Variants in CPT2 observed in about 807,000 individuals in gnomAD.
CPT2 encodes carnitine O-palmitoyltransferase 2, mitochondrial.
A neutral mutation model predicts 48.6 loss-of-function variants in CPT2; 37 were observed. The observed-to-expected ratio is 0.76, with a 90% CI of 0.59 to 1.00. CPT2 has a LOEUF of 1.00. Among genes scored for constraint, CPT2 ranks in the 50% least tolerant of loss-of-function variants. The pLI is 0.00. For missense variants in CPT2, 772 were observed against 825.6 expected, an observed-to-expected ratio of 0.94 and a Z score of 0.80; for synonymous variants, 319 against 326.9, an observed-to-expected ratio of 0.98 and a Z score of 0.26.
chr1:53,213,609 G>A lies in CPT2; in HGVS notation c.*14G>A, dbSNP rs764451386. 1.2e-6 allele frequency: 2 copies of A among 1,607,594 alleles called. No individual in the cohort carries two copies. Among genetic ancestry groups the A allele is most frequent in the Admixed American group, 1.7e-5 (1 of 59,820 alleles). Reference sequence around the variant, plus strand: ...ATCAAAAGTTAACTTCTGGGCAGATGAAAAGCTACCATCACTTCCTCATCA... The same window carrying A: ...ATCAAAAGTTAACTTCTGGGCAGATAAAAAGCTACCATCACTTCCTCATCA... On this transcript the variant is annotated 3_prime_UTR_variant, in exon 5 of 5. Transcript: ENST00000371486.
rs1258567760 is a variant in CPT2 at position 53,210,875 on chromosome 1, A to C, written c.1201A>C (p.Ser401Arg). Reference protein sequence around the residue: ...STQTPAVTPQSQPATTDSTVT... With the variant: ...STQTPAVTPQRQPATTDSTVT... ...TCAGACCCCTGCCGTCACTCCACAG[A>C]GCCAGCCAGCTACCACTGACTCTAC... is the stretch of plus-strand genomic sequence containing the variant. The change falls in exon 4 of 5, where the codon AGC becomes CGC. Residue 401 changes from serine to arginine, a missense_variant. Ser to Arg is a moderately radical substitution (Grantham distance 110). Transcript: ENST00000371486. 1 of 1,614,168 alleles carries C rather than the reference A, an allele frequency of 6.2e-7. No homozygotes were observed. The highest frequency in any genetic ancestry group is 1.1e-5 in the South Asian group (1 of 91,078).
intron 3 of CPT2, among the ~76,000 whole-genome samples, chr1:53,204,998 A>G (rs1645378618): frequency 6.6e-6 from 1 of 152,176 alleles, no homozygotes; most frequent in Non-Finnish European, 1.5e-5. Context: ...AAATGGACTA[A>G]TATAGAAAAC....
chr1:53,202,668 C>T, intron 3 of CPT2: 1 of 547,716 alleles, frequency 1.8e-6, no homozygotes, highest in South Asian at 1.9e-5. Flanking sequence ...GGGATTGAGG[C>T]AGAACCTAAT....
chr1:53,201,236 A>T (rs1033287765), intron 2 of CPT2: 3 of 257,968 alleles, frequency 1.2e-5, no homozygotes, highest in African/African-American at 4.4e-5. Flanking sequence ...ATATGATCTT[A>T]TTTGGAATTA....
In CPT2 at chr1:53,211,374, G is replaced by A. The variant is rs778562013; in HGVS notation, c.1645+55G>A. ...GGTCTTGTCCTCAGTGCTTGGGTAAGCAAGCCTAAATCATTCTACTCCAAA... is the reference window on the plus strand; with the variant it reads ...GGTCTTGTCCTCAGTGCTTGGGTAAACAAGCCTAAATCATTCTACTCCAAA... On this transcript the variant is annotated intron_variant, in intron 4 of 4. Coordinates refer to ENST00000371486, the MANE Select transcript of CPT2 (RefSeq NM_000098.3). 297 of 1,476,136 alleles carry A rather than the reference G, an allele frequency of 2.0e-4. 1 individual carries two copies. The highest frequency in any genetic ancestry group is 2.4e-4 in the Admixed American group (12 of 51,042). The allele number at this position is 1,476,136 out of a possible 1,614,324, so 91.4% of individuals were successfully genotyped here.
In CPT2 at chr1:53,210,865, C is replaced by G; in HGVS notation, c.1191C>G (p.Val397=). Residue 397 remains valine (V), a synonymous_variant, in exon 4 of 5, where the codon GTC becomes GTG. Coordinates refer to ENST00000371486, the MANE Select transcript of CPT2 (RefSeq NM_000098.3). ...AAGACAGCACTCAGACCCCTGCCGT[C>G]ACTCCACAGAGCCAGCCAGCTACCA... ...VFKDSTQTPA[V]TPQSQPATTD... is the part of the protein sequence containing the mutation. 6.2e-7 allele frequency: 1 copy of G among 1,614,178 alleles called. No individual in the cohort carries two copies. Among genetic ancestry groups the G allele is most frequent in the Non-Finnish European group, 8.5e-7 (1 of 1,180,034 alleles).
chr1:53,199,283 TCTC>T (rs1227940689), intron 1 of CPT2, among the ~76,000 whole-genome samples: 1 of 152,044 alleles, frequency 6.6e-6, no homozygotes, highest in Non-Finnish European at 1.5e-5. Context: ...CTGGTCTCAA[TCTC>T]CTGACCTCAA....
chr1:53,213,883 A>G lies in CPT2; in HGVS notation c.*288A>G. Reference sequence around the variant, plus strand: ...GGAGGTTGCAGTGAGCTGAGATCACACCACTGCACTCCGGCCTGGGCGACA... The same window carrying G: ...GGAGGTTGCAGTGAGCTGAGATCACGCCACTGCACTCCGGCCTGGGCGACA... On this transcript the variant is annotated 3_prime_UTR_variant, in exon 5 of 5. Transcript: ENST00000371486. 1 of 406,136 alleles carries G rather than the reference A, an allele frequency of 2.5e-6. No homozygotes were observed. The highest frequency in any genetic ancestry group is 4.6e-6 in the Non-Finnish European group (1 of 215,626). The allele number at this position is 406,136 out of a possible 1,614,324, so 25.2% of individuals were successfully genotyped here.
intron 1 of CPT2, 197 bp downstream of exon 1, chr1:53,197,292 TTCTCTTCCAGAACCCCTCGATGCTA>T: frequency 1.4e-6 from 1 of 689,958 alleles, no homozygotes; most frequent in Non-Finnish European, 2.5e-6. Context: ...AACCCTCAAA[TTCTCTTCCAGAACCCCTCGATGCTA>T]TCTCAGATTC....
chr1:53,206,514 G>A (rs1029965066), intron 3 of CPT2, among the ~76,000 whole-genome samples: 1 of 152,210 alleles, frequency 6.6e-6, no homozygotes, highest in Non-Finnish European at 1.5e-5. Flanking sequence ...AGAGCCACAG[G>A]GGCAGGGCTA....
chr1:53,201,157 A>T (rs1038715122), intron 2 of CPT2: 1 of 326,742 alleles, frequency 3.1e-6, no homozygotes, highest in Non-Finnish European at 6.0e-6. Flanking sequence ...AGAAGTCTGC[A>T]TCGTGAGCAT....
At chr1:53,204,374 T>C (rs1458128666) in intron 3 of CPT2, 6 of 152,124 alleles carry the variant, frequency 3.9e-5, no homozygotes, top group Non-Finnish European at 7.4e-5. Flanking sequence ...TCCTATTTTT[T>C]ACTTCCACAA....
chr1:53,206,505 G>T (rs964024006), intron 3 of CPT2, among the ~76,000 whole-genome samples: 1 of 152,234 alleles, frequency 6.6e-6, no homozygotes, highest in Admixed American at 6.5e-5. Flanking sequence ...GTACTCTGCA[G>T]AGCCACAGGG....
chr1:53,209,759 G>A (rs530629316), intron 3 of CPT2: 1 of 465,592 alleles, frequency 2.1e-6, no homozygotes, highest in East Asian at 4.4e-5. Context: ...CTGGGCGACA[G>A]GAGCGAGCCT....
chr1:53,203,244 T>C (rs569237042), intron 3 of CPT2: 1 of 152,306 alleles, frequency 6.6e-6, no homozygotes, highest in Non-Finnish European at 1.5e-5. Context: ...TGTAGAAGAT[T>C]AGAATTCAGC....
At chr1:53,211,624 CAA>C (rs1315635453) in intron 4 of CPT2, 112 of 447,754 alleles carry the variant, frequency 2.5e-4, no homozygotes, top group African/African-American at 1.5e-3. Context: ...TTTTTGGAGA[CAA>C]GAGTTTCCCT....
chr1:53,197,380 G>A (rs931068197), intron 1 of CPT2: 1 of 516,166 alleles, frequency 1.9e-6, no homozygotes, highest in Non-Finnish European at 3.5e-6. Flanking sequence ...CTTCCAGCCA[G>A]CTATCCTGAG....
chr1:53,200,206 TCCTA>T (rs1479256811), intron 1 of CPT2: 12 of 155,422 alleles, frequency 7.7e-5, no homozygotes, highest in Admixed American at 1.3e-4. Flanking sequence ...ACTGGTCGAT[TCCTA>T]CCTTTTAGTG....
At position 53,213,457 on chromosome 1, in the gene CPT2, G is replaced by C. The variant is rs755060321; in HGVS notation, c.1839G>C (p.Gly613=). The change falls in exon 5 of 5, where the codon GGG becomes GGC. Residue 613 remains glycine (G), a synonymous_variant. Coordinates refer to ENST00000371486, the MANE Select transcript of CPT2 (RefSeq NM_000098.3). ...APVVSDGFGV[G]YAVHDNWIGC... ...TGGTCTCTGATGGCTTTGGTGTTGG[G>C]TATGCTGTTCATGACAACTGGATAG... 1 of 1,614,252 alleles carries C rather than the reference G, an allele frequency of 6.2e-7. No homozygotes were observed. The highest frequency in any genetic ancestry group is 1.7e-5 in the Admixed American group (1 of 60,034).
Sources: gnomAD v4.1 joint callset for allele counts (sites outside exome capture counted in the v4.1 genomes callset) on GRCh38, gnomAD v4.1.1 for gene constraint, MANE v1.5 for transcripts, NCBI Gene and HGNC (gene_info 2026-07-23, HGNC 2026-07-21) for gene names.